MGST1: variants seen among roughly 807,000 people sequenced by gnomAD.
MGST1 encodes the protein glutathione S-transferase 12.
In MGST1, 5 loss-of-function variants were observed where a neutral mutation model predicts 8.9. The observed-to-expected ratio is 0.56, with a 90% CI of 0.29 to 1.19. The LOEUF (loss-of-function observed/expected upper bound fraction) is 1.19, where lower values mean the gene tolerates loss of function less well. MGST1 is among the 50% of genes most tolerant of loss of function. The pLI is 0.08. For missense variants in MGST1, 182 were observed against 187.4 expected, an observed-to-expected ratio of 0.97 and a Z score of 0.17; for synonymous variants, 54 against 67.8, an observed-to-expected ratio of 0.80 and a Z score of 1.00.
chr12:16,493,651 G>A (rs1352045843), intron 4 of MGST1, among the ~76,000 whole-genome samples: 1 of 152,144 alleles, frequency 6.6e-6, no homozygotes, highest in Non-Finnish European at 1.5e-5. Flanking sequence ...GACCATATCA[G>A]AGACCTAGTT....
intron 1 of MGST1, among the ~76,000 whole-genome samples, chr12:16,395,804 T>TATATATATATATATATATATAC (rs1338860243): frequency 9.6e-4 from 119 of 123,644 alleles, no homozygotes; most frequent in Middle Eastern, 4.3e-3. Flanking sequence ...TATATATATA[T>TATATATATATATATATATATAC]ACACACACAC....
In MGST1 at chr12:16,517,612, C is replaced by G. The variant is rs1176955257; in HGVS notation, n.483-71916C>G. ...TCAGTAATATTTTGTTATAGTAGCA[C>G]AAAATGAACCAAGACAGCAGGTAAG... On this transcript the variant is annotated intron_variant and non_coding_transcript_variant, in intron 4 of 4. Transcript: ENST00000538857. This position sits in a 1 kb window ranked among gnomAD's most constrained non-coding sequence, Gnocchi z 4.2. Among the ~76,000 whole-genome samples the G allele has an allele frequency of 6.6e-6, 1 of 152,112 alleles. No homozygotes were observed. The highest frequency in any genetic ancestry group is 1.5e-5 in the Non-Finnish European group (1 of 68,028).
intron 4 of MGST1, among the ~76,000 whole-genome samples, chr12:16,467,400 T>G (rs1046870829): frequency 6.6e-6 from 1 of 152,194 alleles, no homozygotes; most frequent in Non-Finnish European, 1.5e-5. Context: ...ACATTCAATA[T>G]GTAAGTTGAA....
chr12:16,499,883 C>T (rs908424617), intron 4 of MGST1, among the ~76,000 whole-genome samples: 4 of 152,026 alleles, frequency 2.6e-5, no homozygotes, highest in Non-Finnish European at 4.4e-5. Context: ...CCTTCCACTC[C>T]GGCCCTTAGT....
At chr12:16,457,644 C>A (rs1188220941) in intron 4 of MGST1, among the ~76,000 whole-genome samples, 3 of 151,806 alleles carry the variant, frequency 2.0e-5, no homozygotes, top group Non-Finnish European at 4.4e-5. Context: ...CTTTTTCTTT[C>A]TCTAAACCTT....
chr12:16,529,321 G>C (rs1004575664), intron 4 of MGST1, among the ~76,000 whole-genome samples: 1 of 151,970 alleles, frequency 6.6e-6, no homozygotes, highest in Non-Finnish European at 1.5e-5. Flanking sequence ...TCCACCCAAT[G>C]ATAGTCTGCG....
intron 3 of MGST1, among the ~76,000 whole-genome samples, chr12:16,358,396 C>G (rs191959691): frequency 5.9e-5 from 9 of 151,780 alleles, no homozygotes; most frequent in Admixed American, 5.2e-4. Context: ...ATTTGTTTTT[C>G]TTTTCCTGTG....
Position 16,513,424 on chromosome 12 carries a change from C to G in MGST1, n.483-76104C>G. 1 of 395,684 alleles carries G rather than the reference C, an allele frequency of 2.5e-6. No individual in the cohort carries two copies. Among genetic ancestry groups the G allele is most frequent in the South Asian group, 2.0e-5 (1 of 51,100 alleles). 24.5% of individuals were successfully genotyped at this position (395,684 alleles called of 1,614,324 possible). On this transcript the variant is annotated intron_variant and non_coding_transcript_variant, in intron 4 of 4. Transcript: ENST00000538857. The surrounding 1 kb of genome is among the most constrained non-coding windows in gnomAD (Gnocchi z 4.2). ...CTCTGCGCTCCAGCTGCGTCGTCTC[C>G]GGGATCGCCGCCGCCTTCCACCCGG...
chr12:16,484,905 A>T (rs111972309), intron 4 of MGST1, among the ~76,000 whole-genome samples: 15 of 152,192 alleles, frequency 9.9e-5, no homozygotes, highest in African/African-American at 3.1e-4. Flanking sequence ...TTAGATGAGT[A>T]AAAGCAGATT....
At chr12:16,463,000 C>T (rs1941231230) in intron 4 of MGST1, among the ~76,000 whole-genome samples, 1 of 152,124 alleles carries the variant, frequency 6.6e-6, no homozygotes, top group Non-Finnish European at 1.5e-5. Context: ...TTTGTTCTCT[C>T]CCACCCTTTC....
chr12:16,359,477 A>G (rs1033348204), intron 3 of MGST1, among the ~76,000 whole-genome samples: 10 of 152,222 alleles, frequency 6.6e-5, no homozygotes, highest in African/African-American at 1.9e-4. Flanking sequence ...AGCCCTGCTG[A>G]GTAAATCAGT....
intron 4 of MGST1, among the ~76,000 whole-genome samples, chr12:16,490,420 T>C (rs1352757711): frequency 1.3e-5 from 2 of 152,234 alleles, no homozygotes; most frequent in Non-Finnish European, 2.9e-5. Context: ...AGCTGTTCTA[T>C]AGCCAACATG....
intron 4 of MGST1, among the ~76,000 whole-genome samples, chr12:16,579,930 T>C (rs1159755190): frequency 6.6e-6 from 1 of 152,226 alleles, no homozygotes; most frequent in African/African-American, 2.4e-5. Context: ...ACCAGGTATC[T>C]GTTGGTATTT....
intron 4 of MGST1, among the ~76,000 whole-genome samples, chr12:16,499,232 A>G (rs946181380): frequency 6.6e-6 from 1 of 152,196 alleles, no homozygotes; most frequent in Non-Finnish European, 1.5e-5. Context: ...ACGTGGGTAA[A>G]TGCATAAAAT....
intron 4 of MGST1, among the ~76,000 whole-genome samples, chr12:16,526,572 T>A (rs556919485): frequency 1.3e-5 from 2 of 152,198 alleles, no homozygotes; most frequent in East Asian, 3.9e-4. Context: ...GTTTTGATAC[T>A]AAGCATATTT....
intron 4 of MGST1, among the ~76,000 whole-genome samples, chr12:16,566,062 TA>T (rs1007245184): frequency 8.2e-6 from 1 of 121,324 alleles, no homozygotes; most frequent in Admixed American, 9.8e-5. Context: ...TATTCAGCCA[TA>T]AAAAAGAATG....
Position 16,401,438 on chromosome 12 carries a change from C to T in MGST1, n.778+17834C>T. On this transcript the variant is annotated intron_variant and non_coding_transcript_variant, in intron 1 of 1. Transcript: ENST00000359720. The surrounding 1 kb of genome is among the most constrained non-coding windows in gnomAD (Gnocchi z 4.3). ...TTCTGCTTTTTAGCCACGTCCATGA[C>T]AGCATTATATACATCACATATCTTC... is the stretch of plus-strand genomic sequence containing the variant. 1 of 859,388 alleles carries T rather than the reference C, an allele frequency of 1.2e-6. No homozygotes were observed. Among genetic ancestry groups the T allele is most frequent in the South Asian group, 1.3e-5 (1 of 75,036 alleles). 53.2% of individuals were successfully genotyped at this position (859,388 alleles called of 1,614,324 possible).
At chr12:16,408,145 G>C (rs569817600) in intron 1 of MGST1, among the ~76,000 whole-genome samples, 3 of 151,832 alleles carry the variant, frequency 2.0e-5, no homozygotes, top group Non-Finnish European at 4.4e-5. Context: ...TCAGTTATAG[G>C]TGGGAGCTAA....
intron 4 of MGST1, among the ~76,000 whole-genome samples, chr12:16,502,573 G>A (rs1174378243): frequency 6.6e-6 from 1 of 152,148 alleles, no homozygotes; most frequent in Admixed American, 6.6e-5. Flanking sequence ...AACAGTGGCT[G>A]ATAAATTACA....
Sources: allele counts gnomAD v4.1 joint callset (sites outside exome capture counted in the v4.1 genomes callset), GRCh38; gene constraint gnomAD v4.1.1; non-coding constraint Gnocchi (gnomAD v3.1); transcripts MANE v1.5; gene names NCBI Gene and HGNC (gene_info 2026-07-23, HGNC 2026-07-21).